FARS2: variants seen among roughly 807,000 people sequenced by gnomAD.
The protein encoded by FARS2 is phenylalanyl-tRNA synthetase 2, mitochondrial.
Under a neutral mutation model 46.4 loss-of-function variants are expected in FARS2, and 40 were observed. The observed-to-expected ratio is 0.86, with a 90% CI of 0.67 to 1.12. The LOEUF (loss-of-function observed/expected upper bound fraction) is 1.12, where lower values mean the gene tolerates loss of function less well. Ranked by LOEUF, FARS2 falls within the 50% of genes most tolerant of loss-of-function variation. The pLI, the probability that FARS2 is intolerant of heterozygous loss-of-function variation, is 0.00. For missense variants in FARS2, 513 were observed against 567.9 expected (o/e 0.90, Z 0.98); for synonymous variants, 234 against 214.9 (o/e 1.09, Z -0.78).
At chr6:5,589,947 C>T (rs1773821020) in intron 5 of FARS2, among the ~76,000 whole-genome samples, 1 of 152,184 alleles carries the variant, frequency 6.6e-6, no homozygotes, top group African/African-American at 2.4e-5. Context: ...GCGTTTCCAT[C>T]CGCAGCCCCA....
In FARS2 at chr6:5,758,967, G is replaced by C. The variant is rs182487625; in HGVS notation, c.1218-12324G>C. ...AAATAGGAAGGGCAGAGAGATTGGG[G>C]TTCTGTTTCATTAGAAAAAAAAAGA... On this transcript the variant is annotated intron_variant, in intron 6 of 6. Transcript: ENST00000274680. Among the ~76,000 whole-genome samples, 3 of 150,030 alleles carry C rather than the reference G, an allele frequency of 2.0e-5. No homozygotes were observed. In the East Asian group the frequency reaches 6.1e-4, roughly 30 times the overall value.
intron 6 of FARS2, among the ~76,000 whole-genome samples, chr6:5,723,601 C>T (rs1760053536): frequency 6.6e-6 from 1 of 152,204 alleles, no homozygotes; most frequent in Non-Finnish European, 1.5e-5. Context: ...GTATACACTG[C>T]CTCTCTCGAT....
At chr6:5,496,961 T>C (rs115514417) in intron 4 of FARS2, among the ~76,000 whole-genome samples, 4,887 of 152,144 alleles carry the variant, frequency 0.032, 117 homozygotes, top group African/African-American at 0.062. Flanking sequence ...TGGGCCTGTG[T>C]GCATGCACCT....
intron 6 of FARS2, among the ~76,000 whole-genome samples, chr6:5,651,135 A>T (rs1398404850): frequency 1.3e-5 from 2 of 152,214 alleles, no homozygotes; most frequent in African/African-American, 2.4e-5. Flanking sequence ...AGACATCAGC[A>T]ACATAATTTT....
At chr6:5,408,804 G>A (rs550408454) in intron 3 of FARS2, among the ~76,000 whole-genome samples, 8 of 152,242 alleles carry the variant, frequency 5.3e-5, no homozygotes, top group African/African-American at 1.7e-4. Context: ...TGGCTGATTC[G>A]CCTTTATCAT....
intron 6 of FARS2, among the ~76,000 whole-genome samples, chr6:5,712,382 T>A (rs879699210): frequency 6.6e-6 from 1 of 152,204 alleles, no homozygotes. Context: ...AGGACCCTTC[T>A]GGTTTCCAGG....
chr6:5,297,788 C>T (rs1027915888), intron 1 of FARS2, among the ~76,000 whole-genome samples: 1 of 152,224 alleles, frequency 6.6e-6, no homozygotes, highest in African/African-American at 2.4e-5. Context: ...TTTAAAACAT[C>T]GTCTTTAAAA....
chr6:5,395,901 T>C (rs1167789855), intron 2 of FARS2, among the ~76,000 whole-genome samples: 3 of 152,208 alleles, frequency 2.0e-5, no homozygotes, highest in Non-Finnish European at 4.4e-5. Flanking sequence ...AAAAAAATTA[T>C]GGGCAATCTG....
chr6:5,366,457 G>A (rs922506884), intron 1 of FARS2, among the ~76,000 whole-genome samples: 4 of 152,186 alleles, frequency 2.6e-5, no homozygotes, highest in Non-Finnish European at 5.9e-5. Context: ...CTCTGTTAGA[G>A]ATAGTAACAG....
chr6:5,614,554 C>A (rs551431258), intron 6 of FARS2, among the ~76,000 whole-genome samples: 1 of 152,214 alleles, frequency 6.6e-6, no homozygotes, highest in South Asian at 2.1e-4. Context: ...GGACTACAGG[C>A]GCCTGCTACG....
At chr6:5,286,097 T>A (rs1349761475) in intron 1 of FARS2, among the ~76,000 whole-genome samples, 3 of 152,180 alleles carry the variant, frequency 2.0e-5, no homozygotes, top group Non-Finnish European at 2.9e-5. Context: ...ATACTTGATT[T>A]CCAGACACTT....
At chr6:5,603,956 T>G (rs1170682000) in intron 5 of FARS2, among the ~76,000 whole-genome samples, 1 of 152,116 alleles carries the variant, frequency 6.6e-6, no homozygotes, top group Non-Finnish European at 1.5e-5. Flanking sequence ...GGTTTTATAT[T>G]CTATGGTACC....
intron 6 of FARS2, among the ~76,000 whole-genome samples, chr6:5,712,942 T>G (rs2150905718): frequency 6.6e-6 from 1 of 152,374 alleles, no homozygotes; most frequent in South Asian, 2.1e-4. Context: ...AAAGCGTACC[T>G]GTAGAACTTT....
rs76567981 is a variant in FARS2 at position 5,458,940 on chromosome 6, G to A, written c.904+27768G>A. On this transcript the variant is annotated intron_variant, in intron 4 of 6. Coordinates refer to ENST00000274680, the MANE Select transcript of FARS2 (RefSeq NM_006567.5). ...CTGAAGATACATTTTAACAAGGATG[G>A]TGGTAGTAGTTTTTATTCTTTTGTT... Among the ~76,000 whole-genome samples, 176 of 152,302 alleles carry A rather than the reference G, an allele frequency of 1.2e-3. 2 individuals carry two copies. The highest frequency in any genetic ancestry group is 3.1e-4 in the Non-Finnish European group (21 of 68,028).
chr6:5,574,113 A>C (rs2150565584), intron 5 of FARS2, among the ~76,000 whole-genome samples: 1 of 152,230 alleles, frequency 6.6e-6, no homozygotes, highest in South Asian at 2.1e-4. Context: ...TTCTTTATTA[A>C]AATCACTAGG....
chr6:5,376,400 A>G (rs1759383455), intron 2 of FARS2, among the ~76,000 whole-genome samples: 1 of 152,216 alleles, frequency 6.6e-6, no homozygotes, highest in Admixed American at 6.5e-5. Flanking sequence ...AAAGGCCTAG[A>G]GGAACTGTCC....
intron 1 of FARS2, among the ~76,000 whole-genome samples, chr6:5,325,304 T>G (rs916761802): frequency 2.0e-5 from 3 of 152,206 alleles, no homozygotes; most frequent in Non-Finnish European, 4.4e-5. Flanking sequence ...TTGCATAGCA[T>G]AGGTAAGGAA....
chr6:5,469,184 A>G (rs1418181575), intron 4 of FARS2, among the ~76,000 whole-genome samples: 3 of 152,180 alleles, frequency 2.0e-5, no homozygotes, highest in Non-Finnish European at 2.9e-5. Flanking sequence ...GCAGGCCCAC[A>G]GTCAGCCTCC....
rs1028675541 is a variant in FARS2, at chr6:5,726,024, T to G, written c.1218-45267T>G. The stretch of plus-strand genomic sequence containing the variant: ...TAGGCATTGGAAGGAGGTGGATGAA[T>G]TTGGGTCAGTGGGTGTCATTCACAG... On this transcript the variant is annotated intron_variant, in intron 6 of 6. Coordinates refer to ENST00000274680, the MANE Select transcript of FARS2 (RefSeq NM_006567.5). Among the ~76,000 whole-genome samples, 19 of 152,178 alleles carry G rather than the reference T, an allele frequency of 1.2e-4. 1 individual carries two copies. The highest frequency in any genetic ancestry group is 7.2e-4 in the Admixed American group (11 of 15,278).
Sources: gnomAD v4.1 joint callset for allele counts (sites outside exome capture counted in the v4.1 genomes callset) on GRCh38, gnomAD v4.1.1 for gene constraint, MANE v1.5 for transcripts, NCBI Gene and HGNC (gene_info 2026-07-23, HGNC 2026-07-21) for gene names.